The following RYK variants were observed in gnomAD, a reference collection of about 807,000 sequenced individuals.
RYK encodes inactive tyrosine-protein kinase RYK.
RYK carries 21 observed loss-of-function variants against 70.2 expected under a neutral mutation model. The observed-to-expected ratio is 0.30, with a 90% CI of 0.21 to 0.43. The LOEUF (loss-of-function observed/expected upper bound fraction) is 0.43. Among genes scored for constraint, RYK ranks in the 20% least tolerant of loss-of-function variants. The pLI, the probability that RYK is intolerant of heterozygous loss-of-function variation, is 1.00. For missense variants in RYK, 604 were observed against 753.3 expected, an observed-to-expected ratio of 0.80 and a Z score of 2.32; for synonymous variants, 267 against 278.0, an observed-to-expected ratio of 0.96 and a Z score of 0.39.
chr3:134,180,919 A>G (rs2013272236), intron 10 of RYK: 1 of 152,220 alleles, frequency 6.6e-6, no homozygotes, highest in African/African-American at 2.4e-5. Context: ...ATGTCATTCA[A>G]TTCCCTAAGG....
At chr3:134,232,983 C>G (rs967071374) in intron 1 of RYK, among the ~76,000 whole-genome samples, 7 of 152,236 alleles carry the variant, frequency 4.6e-5, no homozygotes, top group African/African-American at 1.7e-4. Context: ...CACCTGTACC[C>G]AGGACTCCCT....
At chr3:134,202,369 T>G (rs1164050502) in intron 6 of RYK, among the ~76,000 whole-genome samples, 1 of 152,090 alleles carries the variant, frequency 6.6e-6, no homozygotes, top group Non-Finnish European at 1.5e-5. Flanking sequence ...ACTGGATGGA[T>G]GGAGGGAGGA....
chr3:134,187,426 T>G (rs914669219), intron 9 of RYK, among the ~76,000 whole-genome samples: 1 of 152,174 alleles, frequency 6.6e-6, no homozygotes, highest in African/African-American at 2.4e-5. Flanking sequence ...AAGTGCTAAA[T>G]TTGTTTTTAG....
At chr3:134,236,007 T>TG (rs2015191266) in intron 1 of RYK, among the ~76,000 whole-genome samples, 1 of 151,544 alleles carries the variant, frequency 6.6e-6, no homozygotes, top group Admixed American at 6.6e-5. Context: ...GTGCCTTATT[T>TG]GGGAAAAAAA....
At chr3:134,178,155 C>G in intron 10 of RYK, 82 bp from the exon 11 acceptor site, 1 of 1,001,864 alleles carries the variant, frequency 1.0e-6, no homozygotes, top group Non-Finnish European at 1.5e-6. Flanking sequence ...TAATCTAAAA[C>G]AAAACAAAAT....
chr3:134,241,415 AATATC>A (rs1461474513), intron 1 of RYK, among the ~76,000 whole-genome samples: 1 of 76,606 alleles, frequency 1.3e-5, no homozygotes, highest in Non-Finnish European at 4.1e-5. Context: ...ACCTTTTTAT[AATATC>A]ATATTTCATT....
intron 5 of RYK, among the ~76,000 whole-genome samples, chr3:134,206,993 A>T (rs2014232122): frequency 6.6e-6 from 1 of 152,160 alleles, no homozygotes; most frequent in African/African-American, 2.4e-5. Flanking sequence ...AAAAAAAAAG[A>T]AGTTTGTAAT....
intron 13 of RYK, among the ~76,000 whole-genome samples, chr3:134,160,781 G>A (rs1254479492): frequency 2.0e-5 from 3 of 152,196 alleles, no homozygotes; most frequent in South Asian, 4.1e-4. Flanking sequence ...CTTAAACCCG[G>A]GAGGCGGAGG....
chr3:134,204,591 C>CCACAGCCACACACA (rs58130864), intron 5 of RYK, among the ~76,000 whole-genome samples: 3,141 of 140,712 alleles, frequency 0.022, 57 homozygotes, highest in East Asian at 0.072. Flanking sequence ...ACAGCCACAG[C>CCACAGCCACACACA]CACACACACA....
intron 4 of RYK, among the ~76,000 whole-genome samples, chr3:134,207,842 T>C (rs1198481014): frequency 3.9e-5 from 6 of 152,226 alleles, no homozygotes; most frequent in Admixed American, 6.5e-5. Context: ...AAAGGAGTTA[T>C]GGGGTCACAA....
intron 7 of RYK, among the ~76,000 whole-genome samples, chr3:134,193,270 A>G (rs945714642): frequency 2.0e-5 from 3 of 150,266 alleles, no homozygotes; most frequent in African/African-American, 4.9e-5. Context: ...TGCAAGCTCC[A>G]CCTCCTGGGT....
chr3:134,213,660 C>A (rs540260423), intron 2 of RYK, among the ~76,000 whole-genome samples: 19 of 152,324 alleles, frequency 1.2e-4, no homozygotes, highest in African/African-American at 4.3e-4. Flanking sequence ...CCTCAGAAGT[C>A]ATCTGTTCCC....
At chr3:134,177,314 G>C (rs1009112601) in intron 11 of RYK, among the ~76,000 whole-genome samples, 1 of 151,904 alleles carries the variant, frequency 6.6e-6, no homozygotes, top group Admixed American at 6.6e-5. Flanking sequence ...CTTTCTCCTG[G>C]CAACTATAAT....
chr3:134,163,322 G>A lies in RYK; in HGVS notation c.1576-3949C>T, dbSNP rs139601121. On this transcript the variant is annotated intron_variant, in intron 13 of 14. Coordinates refer to ENST00000623711, the MANE Select transcript of RYK (RefSeq NM_002958.4). ...TGCTCTCTAAGGTCTTCCGATAACT[G>A]AACCATTTAAAATTTAGACAGACTT... Among the ~76,000 whole-genome samples the A allele has an allele frequency of 3.4e-3, 524 of 152,256 alleles. 1 individual carries two copies. Among genetic ancestry groups the A allele is most frequent in the Non-Finnish European group, 5.9e-3 (403 of 68,034 alleles).
At chr3:134,238,523 G>C (rs1254531914) in intron 1 of RYK, among the ~76,000 whole-genome samples, 1 of 152,120 alleles carries the variant, frequency 6.6e-6, no homozygotes, top group Middle Eastern at 3.2e-3. Context: ...CTACCCTTTT[G>C]GTCCTGATAG....
At chr3:134,220,805 T>C (rs971928780) in intron 2 of RYK, among the ~76,000 whole-genome samples, 7 of 152,232 alleles carry the variant, frequency 4.6e-5, no homozygotes, top group Admixed American at 4.6e-4. Flanking sequence ...CAATAAAAGA[T>C]GAACTACCAA....
intron 1 of RYK, among the ~76,000 whole-genome samples, chr3:134,247,432 GGTGGCTCACACCTGTAATCCCA>G (rs1242372587): frequency 6.6e-6 from 1 of 152,184 alleles, no homozygotes; most frequent in Non-Finnish European, 1.5e-5. Flanking sequence ...AGCCGGATGC[GGTGGCTCACACCTGTAATCCCA>G]GCACTTTGGG....
chr3:134,247,425 C>T (rs1217433791), intron 1 of RYK, among the ~76,000 whole-genome samples: 3 of 152,122 alleles, frequency 2.0e-5, no homozygotes, highest in South Asian at 2.1e-4. Context: ...TCTTTTAAGC[C>T]GGATGCGGTG....
chr3:134,209,357 C>G (rs1041349668), intron 4 of RYK, among the ~76,000 whole-genome samples: 3 of 152,212 alleles, frequency 2.0e-5, no homozygotes, highest in African/African-American at 4.8e-5. Flanking sequence ...ATAAAAGTAA[C>G]TTGATAAGGG....
Sources: gnomAD v4.1 joint callset for allele counts (sites outside exome capture counted in the v4.1 genomes callset) on GRCh38, gnomAD v4.1.1 for gene constraint, MANE v1.5 for transcripts, NCBI Gene and HGNC (gene_info 2026-07-23, HGNC 2026-07-21) for gene names.